SYK: variants seen among roughly 807,000 people sequenced by gnomAD.
SYK encodes the protein tyrosine-protein kinase SYK.
Under a neutral mutation model 77.8 loss-of-function variants are expected in SYK, and 16 were observed. That is an observed-to-expected ratio of 0.21 (90% CI 0.14 to 0.31). The LOEUF is 0.31. Ranked by LOEUF, SYK falls within the 10% of genes least tolerant of loss-of-function variation. The pLI is 1.00. For synonymous variants in SYK, 312 were observed against 308.7 expected (o/e 1.01, Z -0.11); for missense variants, 529 against 814.4 (o/e 0.65, Z 4.26).
At chr9:90,894,402 C>G (rs1349691244) in intron 13 of SYK, among the ~76,000 whole-genome samples, 1 of 152,180 alleles carries the variant, frequency 6.6e-6, no homozygotes, top group Non-Finnish European at 1.5e-5. Context: ...TCAATTCGAG[C>G]AGTTTTATCA....
intron 1 of SYK, among the ~76,000 whole-genome samples, chr9:90,816,278 G>A (rs1314946561): frequency 1.3e-5 from 2 of 152,188 alleles, no homozygotes; most frequent in Admixed American, 1.3e-4. Flanking sequence ...ATCTTACAGA[G>A]AAGCATGTGT....
chr9:90,849,288 C>A (rs1306788034), intron 3 of SYK, among the ~76,000 whole-genome samples: 3 of 152,186 alleles, frequency 2.0e-5, no homozygotes, highest in South Asian at 2.1e-4. Flanking sequence ...CTTTCTCATG[C>A]CTGAGCATCA....
chr9:90,849,884 G>A (rs1182981237), intron 3 of SYK, among the ~76,000 whole-genome samples: 1 of 152,240 alleles, frequency 6.6e-6, no homozygotes, highest in Non-Finnish European at 1.5e-5. Context: ...CCGAAGGCCT[G>A]CTGCACGGTG....
chr9:90,863,024 A>T (rs900491026), intron 4 of SYK, among the ~76,000 whole-genome samples: 4 of 152,204 alleles, frequency 2.6e-5, no homozygotes, highest in African/African-American at 9.7e-5. Context: ...CAGCTACTAG[A>T]AAACCCTGAA....
intron 3 of SYK, among the ~76,000 whole-genome samples, chr9:90,846,409 C>T (rs1376192826): frequency 6.6e-6 from 1 of 152,202 alleles, no homozygotes; most frequent in Non-Finnish European, 1.5e-5. Flanking sequence ...TGGTGAATCC[C>T]CAGCCGACTT....
At chr9:90,880,436 A>G (rs1037043680) in intron 11 of SYK, among the ~76,000 whole-genome samples, 1 of 152,228 alleles carries the variant, frequency 6.6e-6, no homozygotes, top group African/African-American at 2.4e-5. Context: ...CCACTGTGAG[A>G]AAGGCATCAG....
rs78052699 is a variant in SYK at position 90,851,534 on chromosome 9, G to A, written c.578+5940G>A. 3.0e-3 allele frequency among the ~76,000 whole-genome samples: 457 copies of A among 152,278 alleles called. 2 individuals carry two copies. Among genetic ancestry groups the A allele is most frequent in the Non-Finnish European group, 5.4e-3 (369 of 68,020 alleles). On this transcript the variant is annotated intron_variant, in intron 3 of 13. Coordinates refer to ENST00000375754, the MANE Select transcript of SYK (RefSeq NM_003177.7). Reference sequence around the variant, plus strand: ...GCTATATAAGCACTGCCCTTGTCTGGGGTCTAGCTGGCCAGAAGCGAGCAC... The same window carrying A: ...GCTATATAAGCACTGCCCTTGTCTGAGGTCTAGCTGGCCAGAAGCGAGCAC...
intron 11 of SYK, among the ~76,000 whole-genome samples, chr9:90,879,818 G>T (rs555828789): frequency 1.4e-4 from 20 of 145,724 alleles, no homozygotes; most frequent in Non-Finnish European, 2.9e-4. Flanking sequence ...TGCAGGTTTG[G>T]ACTTCCTAAA....
In SYK at chr9:90,895,494, ATT is replaced by A; in HGVS notation, c.1836-33_1836-32del. ...GTGATCAGCAATTTTTCACAAGCAC[ATT>A]GACAAACAAGAATGCATCTCTTCCA... is the stretch of plus-strand genomic sequence containing the variant. On this transcript the variant is annotated intron_variant, in intron 13 of 13. Transcript: ENST00000375754. This position sits in a 1 kb window ranked among gnomAD's most constrained non-coding sequence, Gnocchi z 4.4. 6.2e-7 allele frequency: 1 copy of A among 1,612,130 alleles called. No individual in the cohort carries two copies. Among genetic ancestry groups the A allele is most frequent in the Non-Finnish European group, 8.5e-7 (1 of 1,178,820 alleles).
chr9:90,845,964 C>T (rs72729041), intron 3 of SYK, among the ~76,000 whole-genome samples: 3,817 of 152,312 alleles, frequency 0.025, 168 homozygotes, highest in East Asian at 0.22. Context: ...CAAACTACCC[C>T]CTTGATCTCA....
rs1564121271 is a variant in SYK, at chr9:90,884,482, C to CATACACATATGTGTACATGTACAT, written c.1582-3266_1582-3265insTACACATATGTGTACATGTACATA. 1.5e-3 allele frequency among the ~76,000 whole-genome samples: 10 copies of CATACACATATGTGTACATGTACAT among 6,686 alleles called. 5 individuals carry two copies. The highest frequency in any genetic ancestry group is 0.014 in the African/African-American group (10 of 734). 4.4% of individuals were successfully genotyped at this position (6,686 alleles called of 152,430 possible). Reference sequence around the variant, plus strand: ...ACATATGTGTGTACATATACATACACACACATACACATATGTGTACATGTA... The same window carrying CATACACATATGTGTACATGTACAT: ...ACATATGTGTGTACATATACATACACATACACATATGTGTACATGTACATACACATACACATATGTGTACATGTA... On this transcript the variant is annotated intron_variant, in intron 11 of 13. Coordinates refer to ENST00000375754, the MANE Select transcript of SYK (RefSeq NM_003177.7).
intron 1 of SYK, among the ~76,000 whole-genome samples, chr9:90,825,603 G>A (rs879656407): frequency 3.9e-5 from 6 of 152,210 alleles, no homozygotes; most frequent in Non-Finnish European, 5.9e-5. Context: ...TGTTAGTTTT[G>A]ACTGTGGGGA....
At chr9:90,890,970 C>A (rs1449259479) in intron 13 of SYK, among the ~76,000 whole-genome samples, 1 of 152,140 alleles carries the variant, frequency 6.6e-6, no homozygotes, top group East Asian at 1.9e-4. Flanking sequence ...GTTCTTCCGG[C>A]TCCGTGTGGA....
At chr9:90,874,513 A>G (rs1827854351) in intron 8 of SYK, among the ~76,000 whole-genome samples, 159 bp from the exon 9 acceptor site, 2 of 152,036 alleles carry the variant, frequency 1.3e-5, no homozygotes, top group African/African-American at 2.4e-5. Flanking sequence ...CCCTCACCCA[A>G]CGACGTTGGA....
chr9:90,850,293 C>T (rs1192765708), intron 3 of SYK, among the ~76,000 whole-genome samples: 1 of 152,098 alleles, frequency 6.6e-6, no homozygotes, highest in Non-Finnish European at 1.5e-5. Flanking sequence ...CTGAGGCGGG[C>T]AATCACAAGG....
In SYK at chr9:90,893,122, G is replaced by A. The variant is rs368416387; in HGVS notation, c.1836-2406G>A. ...GTCCCTATCAGACCTTATAGTTGGG[G>A]CTGGGGCAGACAGGCAATAAACAAT... On this transcript the variant is annotated intron_variant, in intron 13 of 13. Coordinates refer to ENST00000375754, the MANE Select transcript of SYK (RefSeq NM_003177.7). Among the ~76,000 whole-genome samples, 7 of 152,332 alleles carry A rather than the reference G, an allele frequency of 4.6e-5. No individual in the cohort carries two copies. In the South Asian group the frequency reaches 1.4e-3, roughly 32 times the overall value.
chr9:90,814,722 C>A (rs1233740186), intron 1 of SYK, among the ~76,000 whole-genome samples: 1 of 152,162 alleles, frequency 6.6e-6, no homozygotes, highest in Non-Finnish European at 1.5e-5. Context: ...GATGAGGGCA[C>A]CAGGAGTGCC....
intron 3 of SYK, among the ~76,000 whole-genome samples, chr9:90,859,136 T>C (rs1306978986): frequency 6.6e-6 from 1 of 152,176 alleles, no homozygotes; most frequent in Non-Finnish European, 1.5e-5. Flanking sequence ...ACTTAATGAA[T>C]GATTATCAAG....
chr9:90,875,501 T>C (rs1827891987), intron 9 of SYK, among the ~76,000 whole-genome samples: 2 of 152,164 alleles, frequency 1.3e-5, no homozygotes, highest in Admixed American at 1.3e-4. Context: ...GTTAACTTAA[T>C]CTTATTGTAT....
Sources: gnomAD v4.1 joint callset for allele counts (sites outside exome capture counted in the v4.1 genomes callset) on GRCh38, gnomAD v4.1.1 for gene constraint, Gnocchi (gnomAD v3.1) non-coding constraint, MANE v1.5 for transcripts, NCBI Gene and HGNC (gene_info 2026-07-23, HGNC 2026-07-21) for gene names.